The following PGCKA1 variants were observed in gnomAD, a reference collection of about 807,000 sequenced individuals.
PGCKA1 encodes PDCD10 and GCKIII kinases-associated protein 1.
chr4:37,589,529 T>A, the PGCKA1 span, among the ~76,000 whole-genome samples: 7 of 152,354 alleles, frequency 4.6e-5, no homozygotes, highest in Admixed American at 3.9e-4. Context: ...ACATTTGTTT[T>A]ATTTGTTTTT....
the PGCKA1 span, among the ~76,000 whole-genome samples, chr4:37,465,621 C>T: frequency 6.6e-6 from 1 of 152,090 alleles, no homozygotes; most frequent in Non-Finnish European, 1.5e-5. Flanking sequence ...TAAAAACCAA[C>T]CTCAGCTAAC....
chr4:37,480,181 C>T, the PGCKA1 span, among the ~76,000 whole-genome samples: 120 of 152,332 alleles, frequency 7.9e-4, no homozygotes, highest in Admixed American at 4.0e-3. Context: ...CAATTAAAGA[C>T]AGGTTTTCTT....
At chr4:37,515,933 G>A in the PGCKA1 span, among the ~76,000 whole-genome samples, 1 of 152,052 alleles carries the variant, frequency 6.6e-6, no homozygotes, top group South Asian at 2.1e-4. Context: ...CATTGCTTAG[G>A]CCAAAATAAA....
chr4:37,578,736 A>C, the PGCKA1 span, among the ~76,000 whole-genome samples: 1 of 152,186 alleles, frequency 6.6e-6, no homozygotes, highest in South Asian at 2.1e-4. Context: ...TTTAATTTGA[A>C]GTTGCCATGA....
At chr4:37,585,805 G>A in the PGCKA1 span, among the ~76,000 whole-genome samples, 2 of 151,882 alleles carry the variant, frequency 1.3e-5, no homozygotes, top group South Asian at 2.1e-4. Flanking sequence ...AAGGTACAAT[G>A]TTACACATGT....
the PGCKA1 span, among the ~76,000 whole-genome samples, chr4:37,477,434 A>G: frequency 6.6e-6 from 1 of 152,156 alleles, no homozygotes; most frequent in African/African-American, 2.4e-5. Flanking sequence ...TGGCTATGGG[A>G]TATCTTTTGG....
chr4:37,505,165 CA>C, the PGCKA1 span, among the ~76,000 whole-genome samples: 1 of 152,128 alleles, frequency 6.6e-6, no homozygotes, highest in Non-Finnish European at 1.5e-5. Flanking sequence ...TTTTTGGCAC[CA>C]ATTGAAATGA....
the PGCKA1 span, chr4:37,591,915 A>G: frequency 6.6e-6 from 1 of 152,220 alleles, no homozygotes; most frequent in Non-Finnish European, 1.5e-5. Context: ...AATGTAAAGA[A>G]CTAATCTAGA....
At chr4:37,524,542 G>T in the PGCKA1 span, among the ~76,000 whole-genome samples, 1 of 152,172 alleles carries the variant, frequency 6.6e-6, no homozygotes, top group Non-Finnish European at 1.5e-5. Flanking sequence ...TTCCTAACCT[G>T]CCTTGAGAAT....
At chr4:37,578,089 A>G in the PGCKA1 span, among the ~76,000 whole-genome samples, 4 of 152,172 alleles carry the variant, frequency 2.6e-5, no homozygotes, top group Non-Finnish European at 5.9e-5. Flanking sequence ...AGTTAAGTGC[A>G]ATGTTTCTTT....
chr4:37,494,713 A>G, the PGCKA1 span, among the ~76,000 whole-genome samples: 1 of 152,154 alleles, frequency 6.6e-6, no homozygotes, highest in Admixed American at 6.5e-5. Context: ...TGTTTTCCAC[A>G]ATGGCTGAAC....
At chr4:37,553,262 T>C in the PGCKA1 span, among the ~76,000 whole-genome samples, 2 of 150,802 alleles carry the variant, frequency 1.3e-5, no homozygotes, top group African/African-American at 4.9e-5. Flanking sequence ...TGAAAAGATT[T>C]ATCACTTCAA....
the PGCKA1 span, among the ~76,000 whole-genome samples, chr4:37,545,295 CCT>C: frequency 2.6e-5 from 4 of 152,246 alleles, no homozygotes; most frequent in South Asian, 2.1e-4. Flanking sequence ...ACTTAATCCC[CCT>C]GTTTTTGGTA....
the PGCKA1 span, among the ~76,000 whole-genome samples, chr4:37,497,759 T>C: frequency 6.6e-6 from 1 of 152,222 alleles, no homozygotes; most frequent in South Asian, 2.1e-4. Context: ...TTGTTTGAGT[T>C]CACTGTAGAT....
chr4:37,478,476 T>G, the PGCKA1 span, among the ~76,000 whole-genome samples: 1 of 152,148 alleles, frequency 6.6e-6, no homozygotes, highest in Non-Finnish European at 1.5e-5. Flanking sequence ...TTGGCTGAAG[T>G]CCGCCAAACA....
chr4:37,510,436 A>G, the PGCKA1 span, among the ~76,000 whole-genome samples: 21 of 152,278 alleles, frequency 1.4e-4, no homozygotes, highest in East Asian at 3.7e-3. Flanking sequence ...CAAGCCCAGG[A>G]TCACTGTGGT....
At chr4:37,463,139 A>G in the PGCKA1 span, among the ~76,000 whole-genome samples, 1 of 152,078 alleles carries the variant, frequency 6.6e-6, no homozygotes, top group Non-Finnish European at 1.5e-5. Flanking sequence ...ACCCATGTCT[A>G]TAACCTTCCT....
chr4:37,494,631 G>T, the PGCKA1 span, among the ~76,000 whole-genome samples: 2 of 152,126 alleles, frequency 1.3e-5, no homozygotes, highest in African/African-American at 4.8e-5. Flanking sequence ...ATTCCTTTGG[G>T]TATATACCCA....
chr4:37,591,742 A>G, the PGCKA1 span: 1 of 152,248 alleles, frequency 6.6e-6, no homozygotes, highest in African/African-American at 2.4e-5. Flanking sequence ...TTGGATTTTA[A>G]GTTCATGACA....
Sources: allele counts gnomAD v4.1 joint callset (sites outside exome capture counted in the v4.1 genomes callset), GRCh38; gene constraint gnomAD v4.1.1; transcripts MANE v1.5; gene names NCBI Gene and HGNC (gene_info 2026-07-23, HGNC 2026-07-21).